Variants in GNGT1 observed in about 807,000 individuals in gnomAD.
The protein encoded by GNGT1 is G protein subunit gamma transducin 1.
Under a neutral mutation model 7.4 loss-of-function variants are expected in GNGT1, and 4 were observed. The ratio of observed to expected loss-of-function variants is 0.54; its 90% CI spans 0.27 to 1.24. GNGT1 has a LOEUF of 1.24. GNGT1 is among the 50% of genes most tolerant of loss of function. The probability of loss-of-function intolerance (pLI) is 0.12; values close to 1 mark genes in which losing one functional copy is unlikely to be tolerated. For missense variants in GNGT1, 95 were observed against 82.4 expected (o/e 1.15, Z -0.59); for synonymous variants, 37 against 30.2 (o/e 1.23, Z -0.74).
intron 2 of GNGT1, among the ~76,000 whole-genome samples, chr7:93,907,804 G>A (rs946303180): frequency 4.6e-5 from 7 of 152,022 alleles, no homozygotes; most frequent in African/African-American, 9.7e-5. Flanking sequence ...TTTGGGCTTC[G>A]TCTATGTTTA....
In GNGT1 at chr7:93,910,666, G is replaced by A. The variant is rs1347734809; in HGVS notation, c.97-124G>A. ...TCCTACAAAGTAAATATGCATTGGT[G>A]TAAAGTAGAGAGAATCAAACTGAAA... is the stretch of plus-strand genomic sequence containing the variant. On this transcript the variant is annotated intron_variant, in intron 2 of 2. Transcript: ENST00000248572. 7 of 611,594 alleles carry A rather than the reference G, an allele frequency of 1.1e-5. No homozygotes were observed. In the East Asian group the frequency reaches 1.8e-4, roughly 16 times the overall value. 37.9% of individuals were successfully genotyped at this position (611,594 alleles called of 1,614,324 possible).
intron 2 of GNGT1, among the ~76,000 whole-genome samples, chr7:93,909,236 T>C (rs1223114127): frequency 6.6e-6 from 1 of 152,208 alleles, no homozygotes; most frequent in Admixed American, 6.5e-5. Context: ...ATTGTGCATC[T>C]TCTTGTGCCA....
intron 2 of GNGT1, 114 bp downstream of exon 2, chr7:93,906,956 T>A: frequency 1.8e-6 from 1 of 556,400 alleles, no homozygotes; most frequent in Non-Finnish European, 3.1e-6. Context: ...ATTGTTCATC[T>A]AAAAATTTAT....
In GNGT1 at chr7:93,906,607, G is replaced by A. The variant is rs1245206730; in HGVS notation, c.-49G>A. On this transcript the variant is annotated 5_prime_UTR_variant, in exon 1 of 3. It adds an upstream start codon to the 5' untranslated region. Coordinates refer to ENST00000248572, the MANE Select transcript of GNGT1 (RefSeq NM_021955.5). ...GAGAGCTCATATGAAATTGGTTATC[G>A]TGGGATATTTAAAATAAAACAAAGA... 6 of 632,042 alleles carry A rather than the reference G, an allele frequency of 9.5e-6. No individual in the cohort carries two copies. The highest frequency in any genetic ancestry group is 3.9e-5 in the African/African-American group (2 of 51,648). 39.2% of individuals were successfully genotyped at this position (632,042 alleles called of 1,614,324 possible).
At chr7:93,910,140 A>G (rs1584091754) in intron 2 of GNGT1, 1 of 152,390 alleles carries the variant, frequency 6.6e-6, no homozygotes, top group Non-Finnish European at 1.5e-5. Flanking sequence ...TCATTAAACA[A>G]TAATGGTGCA....
At chr7:93,908,086 G>A (rs550981686) in intron 2 of GNGT1, among the ~76,000 whole-genome samples, 3 of 152,116 alleles carry the variant, frequency 2.0e-5, no homozygotes, top group South Asian at 2.1e-4. Flanking sequence ...ATTCACTTGT[G>A]GTAAGTTCAC....
intron 2 of GNGT1, chr7:93,909,494 G>T (rs1398301238): frequency 2.3e-5 from 16 of 702,092 alleles, no homozygotes; most frequent in Non-Finnish European, 3.9e-5. Flanking sequence ...TCCCAGCCAG[G>T]CACCTTCAAA....
chr7:93,908,319 A>C (rs1040316489), intron 2 of GNGT1, among the ~76,000 whole-genome samples: 2 of 152,090 alleles, frequency 1.3e-5, no homozygotes, highest in African/African-American at 2.4e-5. Flanking sequence ...GTACCAGAGT[A>C]TCATAGACTG....
At position 93,910,980 on chromosome 7, in the gene GNGT1, T is replaced by G. The variant is rs1220717962; in HGVS notation, c.*62T>G. The G allele has an allele frequency of 1.3e-5, 16 of 1,258,322 alleles. No individual in the cohort carries two copies. The highest frequency in any genetic ancestry group is 1.5e-5 in the African/African-American group (1 of 65,628). 77.9% of individuals were successfully genotyped at this position (1,258,322 alleles called of 1,614,324 possible). A position where few individuals can be genotyped will look rare whatever the true frequency, so the allele number is the denominator to read the frequency against. The stretch of plus-strand genomic sequence containing the variant: ...GAAATATCTCAAATGTTAATAACAA[T>G]ATGAATTTTTCTCATGCATACTATT... On this transcript the variant is annotated 3_prime_UTR_variant, in exon 3 of 3. Transcript: ENST00000248572.
At chr7:93,908,310 T>C (rs1484861819) in intron 2 of GNGT1, among the ~76,000 whole-genome samples, 2 of 152,126 alleles carry the variant, frequency 1.3e-5, no homozygotes, top group African/African-American at 4.8e-5. Context: ...CAGGGTGCTG[T>C]ACCAGAGTAT....
intron 2 of GNGT1, chr7:93,909,565 T>A (rs752403355): frequency 2.9e-6 from 2 of 696,424 alleles, no homozygotes; most frequent in South Asian, 1.5e-5. Context: ...TCCTGTCATC[T>A]GGGTGAAGCC....
At chr7:93,908,133 C>T (rs750487435) in intron 2 of GNGT1, among the ~76,000 whole-genome samples, 4 of 152,206 alleles carry the variant, frequency 2.6e-5, no homozygotes, top group East Asian at 1.9e-4. Flanking sequence ...TCGCATACAT[C>T]ATCATTAATC....
chr7:93,910,861 C>T lies in GNGT1; in HGVS notation c.168C>T (p.Gly56=). The T allele has an allele frequency of 6.2e-7, 1 of 1,606,536 alleles. No individual in the cohort carries two copies. Among genetic ancestry groups the T allele is most frequent in the African/African-American group, 1.3e-5 (1 of 74,868 alleles). Residue 56 remains glycine (G), a synonymous_variant, in exon 3 of 3, where the codon GGC becomes GGT. Transcript: ENST00000248572. ...CTGGCGAGGATCCACTGGTAAAGGGCATCCCAGAGGACAAAAATCCCTTCA... is the reference window on the plus strand; with the variant it reads ...CTGGCGAGGATCCACTGGTAAAGGGTATCCCAGAGGACAAAAATCCCTTCA... ...ERSGEDPLVK[G]IPEDKNPFKE...
intron 2 of GNGT1, chr7:93,909,504 A>G (rs1421827034): frequency 4.3e-6 from 3 of 702,374 alleles, no homozygotes; most frequent in Non-Finnish European, 7.8e-6. Flanking sequence ...GCACCTTCAA[A>G]ACCAATCCCT....
intron 2 of GNGT1, 83 bp downstream of exon 2, chr7:93,906,925 G>A (rs139401601): frequency 1.4e-6 from 1 of 690,938 alleles, no homozygotes; most frequent in Non-Finnish European, 2.4e-6. Flanking sequence ...GGCTGGAAAG[G>A]CTCAATGTAG....
intron 2 of GNGT1, 51 bp from the exon 3 acceptor site, chr7:93,910,739 G>A: frequency 7.4e-7 from 1 of 1,357,062 alleles, no homozygotes; most frequent in Non-Finnish European, 1.0e-6. Flanking sequence ...CTGGCATCTG[G>A]AGTATTCTGT....
In GNGT1 at chr7:93,906,599, T is replaced by C; in HGVS notation, c.-57T>C. 2 of 612,172 alleles carry C rather than the reference T, an allele frequency of 3.3e-6. No homozygotes were observed. Among genetic ancestry groups the C allele is most frequent in the South Asian group, 2.1e-5 (1 of 48,372 alleles). 37.9% of individuals were successfully genotyped at this position (612,172 alleles called of 1,614,324 possible). ...TTAAGAGAGAGAGCTCATATGAAAT[T>C]GGTTATCGTGGGATATTTAAAATAA... On this transcript the variant is annotated 5_prime_UTR_variant, in exon 1 of 3. Transcript: ENST00000248572.
At chr7:93,908,507 T>C (rs1170916906) in intron 2 of GNGT1, among the ~76,000 whole-genome samples, 1 of 152,096 alleles carries the variant, frequency 6.6e-6, no homozygotes, top group East Asian at 1.9e-4. Flanking sequence ...GGGTCTCTTT[T>C]ATAAGGACGG....
intron 2 of GNGT1, among the ~76,000 whole-genome samples, chr7:93,907,400 C>T (rs992760553): frequency 6.6e-6 from 1 of 152,000 alleles, no homozygotes. Flanking sequence ...TGATGTCAAC[C>T]CCTCTCCACT....
Sources: allele counts gnomAD v4.1 joint callset (sites outside exome capture counted in the v4.1 genomes callset), GRCh38; gene constraint gnomAD v4.1.1; transcripts MANE v1.5; gene names NCBI Gene and HGNC (gene_info 2026-07-23, HGNC 2026-07-21).